TTBK2: variants seen among roughly 807,000 people sequenced by gnomAD.
TTBK2 encodes the protein tau-tubulin kinase 2.
Under a neutral mutation model 110.8 loss-of-function variants are expected in TTBK2, and 28 were observed. The observed-to-expected ratio is 0.25, with a 90% CI of 0.19 to 0.35. The LOEUF (loss-of-function observed/expected upper bound fraction) is 0.35, where lower values mean the gene tolerates loss of function less well. Ranked by LOEUF, TTBK2 falls within the 10% of genes least tolerant of loss-of-function variation. TTBK2 has a pLI of 1.00. For missense variants in TTBK2, 1,369 were observed against 1,500.3 expected (o/e 0.91, Z 1.45); for synonymous variants, 532 against 527.3 (o/e 1.01, Z -0.12).
intron 13 of TTBK2, among the ~76,000 whole-genome samples, chr15:42,765,289 C>T (rs1889306903): frequency 6.6e-6 from 1 of 152,202 alleles, no homozygotes. Context: ...CAGAAGTAGG[C>T]TTCAGAAGGT....
intron 10 of TTBK2, among the ~76,000 whole-genome samples, chr15:42,784,015 T>C (rs1316985820): frequency 6.6e-6 from 1 of 151,686 alleles, no homozygotes; most frequent in African/African-American, 2.4e-5. Context: ...TGAGCCAAGA[T>C]TGCGCCACTG....
chr15:42,775,480 T>C lies in TTBK2; in HGVS notation c.1653A>G (p.Glu551=), dbSNP rs555093202. 15 of 1,614,200 alleles carry C rather than the reference T, an allele frequency of 9.3e-6. No homozygotes were observed. In the South Asian group the frequency reaches 1.6e-4, roughly 18 times the overall value. Residue 551 remains glutamate (E), a synonymous_variant, in exon 13 of 15, where the codon GAA becomes GAG. Coordinates refer to ENST00000267890, the MANE Select transcript of TTBK2 (RefSeq NM_173500.4). The part of the protein sequence containing the change: ...SSCKQEIDSK[E]WVIVDKEQDL... Reference sequence around the variant, plus strand: ...CCTGCTCCTTGTCCACAATCACCCATTCTTTGGAATCAATTTCTTGCTTGC... The same window carrying C: ...CCTGCTCCTTGTCCACAATCACCCACTCTTTGGAATCAATTTCTTGCTTGC...
At chr15:42,910,698 G>A (rs1455390802) in intron 1 of TTBK2, among the ~76,000 whole-genome samples, 5 of 152,200 alleles carry the variant, frequency 3.3e-5, no homozygotes, top group Admixed American at 2.6e-4. Flanking sequence ...GTCTTTGAAT[G>A]AGAACACATA....
At chr15:42,858,366 A>C (rs1894026406) in intron 3 of TTBK2, among the ~76,000 whole-genome samples, 2 of 152,228 alleles carry the variant, frequency 1.3e-5, no homozygotes, top group Non-Finnish European at 2.9e-5. Context: ...TCTATAATTT[A>C]TTTTAAAGTA....
rs866477659 is a variant in TTBK2 at position 42,843,780 on chromosome 15, A to T, written c.218-3347T>A. 1.6e-4 allele frequency among the ~76,000 whole-genome samples: 24 copies of T among 151,558 alleles called. No homozygotes were observed. In the South Asian group the frequency reaches 5.0e-3, roughly 32 times the overall value. Reference sequence around the variant, plus strand: ...TCTCAAAAAAAAAAAAAAAAAAAAAAAAGATTTGTAACTTCTCAATTGCCC... The same window carrying T: ...TCTCAAAAAAAAAAAAAAAAAAAAATAAGATTTGTAACTTCTCAATTGCCC... On this transcript the variant is annotated intron_variant, in intron 3 of 14. Coordinates refer to ENST00000267890, the MANE Select transcript of TTBK2 (RefSeq NM_173500.4).
At chr15:42,751,838 TG>T in intron 14 of TTBK2, 135 bp downstream of exon 14, 1 of 1,056,592 alleles carries the variant, frequency 9.5e-7, no homozygotes, top group Non-Finnish European at 1.4e-6. Flanking sequence ...TGCACTAGGC[TG>T]TAAGGCCTGG....
At chr15:42,823,276 T>C (rs934868338) in intron 6 of TTBK2, among the ~76,000 whole-genome samples, 1 of 152,052 alleles carries the variant, frequency 6.6e-6, no homozygotes, top group Non-Finnish European at 1.5e-5. Context: ...GCAGGATACA[T>C]ACAAAAAATG....
chr15:42,836,822 G>C (rs1425185220), intron 4 of TTBK2, among the ~76,000 whole-genome samples: 1 of 152,154 alleles, frequency 6.6e-6, no homozygotes, highest in South Asian at 2.1e-4. Flanking sequence ...AGAATACTGG[G>C]TTCAGGCTTC....
In TTBK2 at chr15:42,878,603, T is replaced by C; in HGVS notation, c.15A>G (p.Gly5=). The change falls in exon 2 of 15, where the codon GGA becomes GGG. Residue 5 remains glycine, a synonymous_variant. Coordinates refer to ENST00000267890, the MANE Select transcript of TTBK2 (RefSeq NM_173500.4). MSGG[G]EQLDILSVGI... is the part of the protein sequence containing the mutation. ...CAACACTCAGGATATCCAGCTGCTC[T>C]CCTCCCCCACTCATTGCAATACACT... 6.2e-7 allele frequency: 1 copy of C among 1,613,606 alleles called. No individual in the cohort carries two copies. Among genetic ancestry groups the C allele is most frequent in the Non-Finnish European group, 8.5e-7 (1 of 1,179,932 alleles).
chr15:42,828,716 C>G (rs1892632294), intron 5 of TTBK2, among the ~76,000 whole-genome samples: 1 of 141,418 alleles, frequency 7.1e-6, no homozygotes. Flanking sequence ...GAGTGAGACT[C>G]TGTCACAAAA....
intron 9 of TTBK2, chr15:42,800,206 C>A: frequency 2.4e-6 from 1 of 409,288 alleles, no homozygotes; most frequent in Admixed American, 3.3e-5. Context: ...TTATAATGAC[C>A]ACATATTACT....
intron 1 of TTBK2, among the ~76,000 whole-genome samples, chr15:42,893,010 C>CAAAA (rs780103161): frequency 1.2e-4 from 7 of 57,276 alleles, no homozygotes; most frequent in South Asian, 1.3e-3. Flanking sequence ...GACTCTGTCT[C>CAAAA]AAAAAAAAAA....
chr15:42,780,169 G>A (rs769416880), intron 11 of TTBK2, among the ~76,000 whole-genome samples: 26 of 146,586 alleles, frequency 1.8e-4, no homozygotes, highest in African/African-American at 5.5e-4. Flanking sequence ...CTACAGGTAC[G>A]TGCCAACATG....
intron 11 of TTBK2, among the ~76,000 whole-genome samples, chr15:42,782,948 A>G (rs1488526351): frequency 1.3e-5 from 2 of 152,172 alleles, no homozygotes; most frequent in Non-Finnish European, 2.9e-5. Context: ...TGATACTAGA[A>G]AAATCTGACA....
chr15:42,755,136 T>C (rs184737659), intron 13 of TTBK2, among the ~76,000 whole-genome samples: 29 of 151,962 alleles, frequency 1.9e-4, no homozygotes, highest in African/African-American at 6.8e-4. Flanking sequence ...TTCCTTAAGA[T>C]ACCTAAAGTT....
intron 12 of TTBK2, 178 bp downstream of exon 12, chr15:42,776,853 A>C (rs1261134747): frequency 1.4e-5 from 9 of 651,690 alleles, no homozygotes; most frequent in Non-Finnish European, 2.3e-5. Flanking sequence ...AATCAGGATA[A>C]TAATAATTAA....
chr15:42,873,556 C>T (rs187636177), intron 2 of TTBK2, among the ~76,000 whole-genome samples: 1 of 152,010 alleles, frequency 6.6e-6, no homozygotes, highest in African/African-American at 2.4e-5. Context: ...CCAAACTATC[C>T]CAGAATTCAC....
chr15:42,878,067 C>T (rs1219453152), intron 2 of TTBK2, among the ~76,000 whole-genome samples: 3 of 147,032 alleles, frequency 2.0e-5, no homozygotes, highest in South Asian at 2.1e-4. Flanking sequence ...TTTTTTTTCC[C>T]GGGTTCACGC....
Position 42,861,184 on chromosome 15 carries a change from T to C in TTBK2, c.217+11427A>G, listed in dbSNP as rs535683924. Among the ~76,000 whole-genome samples the C allele has an allele frequency of 5.9e-5, 9 of 152,254 alleles. 1 individual carries two copies. Among genetic ancestry groups the C allele is most frequent in the East Asian group, 1.9e-4 (1 of 5,182 alleles). Reference sequence around the variant, plus strand: ...AGACTTCAACAGCCCATTGACAGCATTAGACAAATCATCAAGGCAGAAAAC... The same window carrying C: ...AGACTTCAACAGCCCATTGACAGCACTAGACAAATCATCAAGGCAGAAAAC... On this transcript the variant is annotated intron_variant, in intron 3 of 14. Coordinates refer to ENST00000267890, the MANE Select transcript of TTBK2 (RefSeq NM_173500.4).
Sources: gnomAD v4.1 joint callset for allele counts (sites outside exome capture counted in the v4.1 genomes callset) on GRCh38, gnomAD v4.1.1 for gene constraint, MANE v1.5 for transcripts, NCBI Gene and HGNC (gene_info 2026-07-23, HGNC 2026-07-21) for gene names.